Variants in L3MBTL4 observed in about 807,000 individuals in gnomAD.
The protein encoded by L3MBTL4 is L3MBTL histone methyl-lysine binding protein 4.
In L3MBTL4, 70 loss-of-function variants were observed where a neutral mutation model predicts 84.5. The observed-to-expected ratio is 0.83, with a 90% confidence interval of 0.68 to 1.01. L3MBTL4 has a LOEUF of 1.01. L3MBTL4 is among the 50% of genes least tolerant of loss of function. The pLI, the probability that L3MBTL4 is intolerant of heterozygous loss-of-function variation, is 0.00. For missense variants in L3MBTL4, 715 were observed against 754.8 expected, an observed-to-expected ratio of 0.95 and a Z score of 0.62; for synonymous variants, 274 against 259.8, an observed-to-expected ratio of 1.05 and a Z score of -0.52.
intron 12 of L3MBTL4, among the ~76,000 whole-genome samples, chr18:6,207,164 T>C (rs2045910350): frequency 6.6e-6 from 1 of 152,226 alleles, no homozygotes; most frequent in Admixed American, 6.5e-5. Flanking sequence ...GTCATTTATT[T>C]GTTTATATAT....
rs112388529 is a variant in L3MBTL4 at position 6,130,186 on chromosome 18, G to A, written c.1199+8008C>T. On this transcript the variant is annotated intron_variant, in intron 14 of 18. Coordinates refer to ENST00000317931, the MANE Select transcript of L3MBTL4 (RefSeq NM_001330559.2). ...ATTTGCCTCATACTGCAGAGTGAGCGGTCAGTCTGGATGTCCAGTTCAGGT... is the reference window on the plus strand; with the variant it reads ...ATTTGCCTCATACTGCAGAGTGAGCAGTCAGTCTGGATGTCCAGTTCAGGT... Among the ~76,000 whole-genome samples the A allele has an allele frequency of 3.2e-3, 481 of 152,146 alleles. 3 individuals carry two copies. The highest frequency in any genetic ancestry group is 0.011 in the African/African-American group (444 of 41,500).
chr18:6,229,255 A>T (rs2046898571), intron 10 of L3MBTL4, among the ~76,000 whole-genome samples: 1 of 152,190 alleles, frequency 6.6e-6, no homozygotes, highest in African/African-American at 2.4e-5. Context: ...GCTGTTTTTT[A>T]TCTATAAGAC....
chr18:6,377,497 G>A (rs1344956110), intron 1 of L3MBTL4, among the ~76,000 whole-genome samples: 2 of 151,990 alleles, frequency 1.3e-5, no homozygotes, highest in African/African-American at 4.8e-5. Context: ...AACAGGCCCA[G>A]GTGTGTGATG....
rs2046182905 is a variant in L3MBTL4 at position 6,213,149 on chromosome 18, C to T, written c.981G>A (p.Lys327=). ...TAACATAATAATTTAAAATATGTACCTTTACTCTTTGGTCATCAACATCTA... is the reference window on the plus strand; with the variant it reads ...TAACATAATAATTTAAAATATGTACTTTTACTCTTTGGTCATCAACATCTA... The part of the protein sequence containing the change: ...TIVDVDDQRV[K]VHFDGWDHKY... The change falls in exon 12 of 19, where the codon AAG becomes AAA. Residue 327 remains lysine, a splice_region_variant and synonymous_variant. Transcript: ENST00000317931. 1 of 1,536,000 alleles carries T rather than the reference C, an allele frequency of 6.5e-7. No individual in the cohort carries two copies. The highest frequency in any genetic ancestry group is 8.9e-7 in the Non-Finnish European group (1 of 1,125,130).
At chr18:6,395,943 T>C (rs2055252547) in intron 1 of L3MBTL4, 1 of 152,182 alleles carries the variant, frequency 6.6e-6, no homozygotes, top group Non-Finnish European at 1.5e-5. Context: ...AAAACTGTCA[T>C]ATTCACAATG....
chr18:6,219,313 T>C (rs1357421758), intron 10 of L3MBTL4, among the ~76,000 whole-genome samples: 1 of 151,934 alleles, frequency 6.6e-6, no homozygotes, highest in Non-Finnish European at 1.5e-5. Flanking sequence ...GAGCTCCCTC[T>C]GGAGGCCAAG....
chr18:6,078,696 T>C (rs2057958205), intron 16 of L3MBTL4, among the ~76,000 whole-genome samples: 3 of 152,128 alleles, frequency 2.0e-5, no homozygotes, highest in Admixed American at 6.5e-5. Flanking sequence ...TGGAAGACAA[T>C]TTTTCCACAG....
At chr18:6,404,514 C>T (rs1468774895) in intron 1 of L3MBTL4, among the ~76,000 whole-genome samples, 2 of 152,092 alleles carry the variant, frequency 1.3e-5, no homozygotes, top group African/African-American at 4.8e-5. Context: ...AGAAGCTCTT[C>T]GTGGCCTGTA....
Position 6,243,369 on chromosome 18 carries a change from T to C in L3MBTL4, c.385A>G (p.Thr129Ala). The part of the protein sequence containing the change: ...DGYLSCYDFW[T>A]NAGSPDIHPV... ...TGAATGTCAGGGGAACCAGCATTGG[T>C]CCAAAAATCATAGCAACTTAAATAA... The change falls in exon 7 of 19, where the codon ACC becomes GCC. Residue 129 changes from threonine (T) to alanine (A), a missense_variant. Thr to Ala is a moderately conservative substitution (Grantham distance 58). Coordinates refer to ENST00000317931, the MANE Select transcript of L3MBTL4 (RefSeq NM_001330559.2). 1.9e-6 allele frequency: 3 copies of C among 1,606,666 alleles called. No homozygotes were observed. The highest frequency in any genetic ancestry group is 2.5e-6 in the Non-Finnish European group (3 of 1,176,726).
intron 13 of L3MBTL4, among the ~76,000 whole-genome samples, chr18:6,144,711 C>T (rs776427942): frequency 2.6e-5 from 4 of 152,182 alleles, no homozygotes; most frequent in African/African-American, 4.8e-5. Flanking sequence ...TGAAACTGTC[C>T]TGGATAACAG....
intron 13 of L3MBTL4, among the ~76,000 whole-genome samples, chr18:6,150,459 ACAC>A (rs898024096): frequency 6.6e-6 from 1 of 152,074 alleles, no homozygotes; most frequent in African/African-American, 2.4e-5. Context: ...ACATACACAC[ACAC>A]AATTACACAA....
intron 1 of L3MBTL4, among the ~76,000 whole-genome samples, chr18:6,402,180 A>G (rs561871874): frequency 3.9e-4 from 59 of 152,344 alleles, no homozygotes; most frequent in South Asian, 1.0e-3. Flanking sequence ...TCTCTTCAAA[A>G]TAAGTACCTC....
chr18:6,179,010 T>C (rs1281491614), intron 12 of L3MBTL4, among the ~76,000 whole-genome samples: 2 of 152,200 alleles, frequency 1.3e-5, no homozygotes, highest in Non-Finnish European at 2.9e-5. Context: ...TGCAAGACAG[T>C]AATCACATCT....
At chr18:6,400,285 C>T (rs2055455870) in intron 1 of L3MBTL4, among the ~76,000 whole-genome samples, 1 of 152,194 alleles carries the variant, frequency 6.6e-6, no homozygotes. Flanking sequence ...AGTTGATAAA[C>T]CATTGAATGC....
intron 16 of L3MBTL4, among the ~76,000 whole-genome samples, chr18:6,077,510 A>G (rs1316466502): frequency 6.6e-6 from 1 of 152,178 alleles, no homozygotes; most frequent in East Asian, 1.9e-4. Context: ...TAGTCTTTAA[A>G]ATATTTTTAT....
At chr18:6,396,520 T>A (rs2055277164) in intron 1 of L3MBTL4, 2 of 152,226 alleles carry the variant, frequency 1.3e-5, no homozygotes. Context: ...TTCAAGAGGG[T>A]ATGGATTTTG....
intron 10 of L3MBTL4, among the ~76,000 whole-genome samples, chr18:6,227,921 C>T (rs2046842986): frequency 6.6e-6 from 1 of 152,144 alleles, no homozygotes; most frequent in Non-Finnish European, 1.5e-5. Flanking sequence ...CCTGCCTTGG[C>T]CTCCCAAGAT....
intron 16 of L3MBTL4, among the ~76,000 whole-genome samples, chr18:6,063,501 C>T (rs924473668): frequency 2.6e-5 from 4 of 151,884 alleles, no homozygotes; most frequent in Non-Finnish European, 5.9e-5. Flanking sequence ...AAAGTGTTCC[C>T]TTTTCACCAC....
Position 6,094,331 on chromosome 18 carries a change from G to A in L3MBTL4, c.1200-803C>T, listed in dbSNP as rs184132517. On this transcript the variant is annotated intron_variant, in intron 14 of 18. Transcript: ENST00000317931. ...TACCAGGGAAGACACACCCAAGACA[G>A]GTCACTTGTACATTACCCTGGGGAA... Among the ~76,000 whole-genome samples, 582 of 152,310 alleles carry A rather than the reference G, an allele frequency of 3.8e-3. 4 individuals carry two copies. The highest frequency in any genetic ancestry group is 0.024 in the Middle Eastern group (7 of 294).
Sources: gnomAD v4.1 joint callset for allele counts (sites outside exome capture counted in the v4.1 genomes callset) on GRCh38, gnomAD v4.1.1 for gene constraint, MANE v1.5 for transcripts, NCBI Gene and HGNC (gene_info 2026-07-23, HGNC 2026-07-21) for gene names.